The following ABCA5 variants were observed in gnomAD, a reference collection of about 807,000 sequenced individuals.
ABCA5 encodes the protein ATP binding cassette subfamily A member 5, also known as cholesterol transporter ABCA5.
Under a neutral mutation model 206.0 loss-of-function variants are expected in ABCA5, and 163 were observed. The ratio of observed to expected loss-of-function variants is 0.79; its 90% CI spans 0.70 to 0.90. The LOEUF (loss-of-function observed/expected upper bound fraction) is 0.90, where lower values mean the gene tolerates loss of function less well. ABCA5 is among the 40% of genes least tolerant of loss of function. The pLI is 0.00. For missense variants in ABCA5, 1,859 were observed against 1,912.9 expected (o/e 0.97, Z 0.53); for synonymous variants, 609 against 613.8 (o/e 0.99, Z 0.11).
chr17:69,294,479 G>A (rs1019084992), intron 11 of ABCA5, among the ~76,000 whole-genome samples, 176 bp downstream of exon 11: 2 of 151,952 alleles, frequency 1.3e-5, no homozygotes, highest in African/African-American at 4.8e-5. Context: ...CCAAGAGAAC[G>A]CCACTGCACT....
chr17:69,301,550 G>A (rs948104021), intron 8 of ABCA5, among the ~76,000 whole-genome samples: 1 of 151,954 alleles, frequency 6.6e-6, no homozygotes, highest in African/African-American at 2.4e-5. Flanking sequence ...CACTCTAGGG[G>A]CATTTAATTC....
intron 10 of ABCA5, among the ~76,000 whole-genome samples, chr17:69,295,229 G>C (rs2075573035): frequency 6.6e-6 from 1 of 152,140 alleles, no homozygotes; most frequent in Non-Finnish European, 1.5e-5. Context: ...CGCACCCACA[G>C]ACCTCAATCT....
At chr17:69,250,901 A>C (rs7208451) in intron 35 of ABCA5, 22,347 of 193,270 alleles carry the variant, frequency 0.12, 1,414 homozygotes, top group African/African-American at 0.15. Context: ...ATTTTCTATT[A>C]GTGTCCTTTG....
At chr17:69,311,265 T>G (rs949977048) in intron 3 of ABCA5, among the ~76,000 whole-genome samples, 1 of 152,118 alleles carries the variant, frequency 6.6e-6, no homozygotes, top group Admixed American at 6.6e-5. Context: ...TAATAGATTT[T>G]CCAGGCCTTT....
chr17:69,299,332 G>A (rs960223390), intron 9 of ABCA5, among the ~76,000 whole-genome samples: 11 of 152,062 alleles, frequency 7.2e-5, no homozygotes, highest in Non-Finnish European at 1.5e-4. Flanking sequence ...CAGAGGAAAA[G>A]AAGTCATTAT....
chr17:69,306,902 A>T lies in ABCA5; in HGVS notation c.611T>A (p.Ile204Asn). 6.3e-7 allele frequency: 1 copy of T among 1,590,038 alleles called. No individual in the cohort carries two copies. ...WKELESTKAV[I>N]MGETAVVEID... is the part of the protein sequence containing the mutation. ...TTCTACAACAGCAGTTTCTCCCATA[A>T]TAACAGCTTTAGTTGACTCCAGCTC... is the stretch of plus-strand genomic sequence containing the variant. Residue 204 changes from isoleucine to asparagine, a missense_variant, in exon 6 of 39, where the codon ATT (isoleucine) becomes AAT (asparagine). Transcript: ENST00000392676.
chr17:69,316,401 C>T (rs568382697), intron 1 of ABCA5, among the ~76,000 whole-genome samples: 4 of 151,720 alleles, frequency 2.6e-5, no homozygotes, highest in African/African-American at 7.2e-5. Context: ...GCAAAAGAAT[C>T]GCTTGAACCC....
At chr17:69,265,185 G>GT (rs2075194730) in intron 23 of ABCA5, among the ~76,000 whole-genome samples, 2 of 152,080 alleles carry the variant, frequency 1.3e-5, no homozygotes, top group Non-Finnish European at 2.9e-5. Flanking sequence ...AAAGCAAAAG[G>GT]TGTCATGGCG....
At chr17:69,317,470 G>A (rs2091825152) in intron 1 of ABCA5, among the ~76,000 whole-genome samples, 1 of 148,658 alleles carries the variant, frequency 6.7e-6, no homozygotes, top group Non-Finnish European at 1.5e-5. Context: ...CATACAAAAC[G>A]TTATGTCAAG....
In ABCA5 at chr17:69,327,124, T is replaced by C. The variant is rs1360085162; in HGVS notation, c.-88A>G. The C allele has an allele frequency of 6.6e-6, 1 of 151,468 alleles. No individual in the cohort carries two copies. The highest frequency in any genetic ancestry group is 1.5e-5 in the Non-Finnish European group (1 of 67,942). 9.4% of individuals were successfully genotyped at this position (151,468 alleles called of 1,614,324 possible). ...GTTGACTCAGTGCGGGTGACCCAGCTGGGATCTGTGCGAGGGCGCGGCCGC... is the reference window on the plus strand; with the variant it reads ...GTTGACTCAGTGCGGGTGACCCAGCCGGGATCTGTGCGAGGGCGCGGCCGC... On this transcript the variant is annotated 5_prime_UTR_variant, in exon 1 of 39. Coordinates refer to ENST00000392676, the MANE Select transcript of ABCA5 (RefSeq NM_172232.4).
chr17:69,269,812 C>G (rs1377496740), intron 22 of ABCA5, among the ~76,000 whole-genome samples: 1 of 151,766 alleles, frequency 6.6e-6, no homozygotes, highest in Non-Finnish European at 1.5e-5. Context: ...AGAAAGCAGA[C>G]AAAAAAGACT....
intron 9 of ABCA5, among the ~76,000 whole-genome samples, chr17:69,299,459 C>CACACACACAT (rs1191592284): frequency 6.6e-5 from 8 of 121,032 alleles, no homozygotes; most frequent in Non-Finnish European, 5.6e-5. Flanking sequence ...ATGTGATACA[C>CACACACACAT]ACACACACAC....
chr17:69,304,835 T>A lies in ABCA5; in HGVS notation c.789-25A>T. 5 of 1,555,248 alleles carry A rather than the reference T, an allele frequency of 3.2e-6. No individual in the cohort carries two copies. In the Middle Eastern group the frequency reaches 7.1e-4, roughly 222 times the overall value. On this transcript the variant is annotated intron_variant, in intron 6 of 38. Transcript: ENST00000392676. ...CCTAAAATGAGAATACAGATATAGT[T>A]ATGGTCAAATGCATAGGCTTAACCA...
intron 18 of ABCA5, among the ~76,000 whole-genome samples, chr17:69,278,933 T>C (rs1257721226): frequency 6.6e-6 from 1 of 151,296 alleles, no homozygotes; most frequent in African/African-American, 2.4e-5. Context: ...AATATCATAC[T>C]GAATGGGCAA....
rs546309158 is a variant in ABCA5, at chr17:69,308,270, T to A, written c.558+10A>T. ...CATAGTTTTTGTATTTCTTCCTTTA[T>A]CATATTTACCTGTATAATGGCAGCA... On this transcript the variant is annotated intron_variant, in intron 5 of 38. Transcript: ENST00000392676. 1.3e-6 allele frequency: 2 copies of A among 1,535,142 alleles called. No homozygotes were observed. The highest frequency in any genetic ancestry group is 2.3e-5 in the South Asian group (2 of 87,104).
intron 9 of ABCA5, among the ~76,000 whole-genome samples, chr17:69,298,749 G>A (rs1292386498): frequency 3.9e-5 from 6 of 151,942 alleles, no homozygotes; most frequent in Admixed American, 1.3e-4. Flanking sequence ...AATTTGAGAC[G>A]ATAACATCAG....
chr17:69,277,233 AAACT>A (rs1331123992), intron 19 of ABCA5, among the ~76,000 whole-genome samples: 7 of 152,204 alleles, frequency 4.6e-5, no homozygotes, highest in Admixed American at 1.3e-4. Context: ...GTGGTTATAA[AAACT>A]AACTAATAGA....
At chr17:69,248,828 A>G (rs2144884273) in intron 37 of ABCA5, 1 of 152,406 alleles carries the variant, frequency 6.6e-6, no homozygotes, top group East Asian at 1.9e-4. Flanking sequence ...AGGCTCAAAC[A>G]ATCTTCCCAC....
intron 7 of ABCA5, among the ~76,000 whole-genome samples, chr17:69,303,796 A>ATG (rs1567778098): frequency 7.0e-4 from 5 of 7,112 alleles, no homozygotes; most frequent in East Asian, 0.036. Flanking sequence ...ATATATATAT[A>ATG]TATATATATA....
Sources: gnomAD v4.1 joint callset for allele counts (sites outside exome capture counted in the v4.1 genomes callset) on GRCh38, gnomAD v4.1.1 for gene constraint, MANE v1.5 for transcripts, NCBI Gene and HGNC (gene_info 2026-07-23, HGNC 2026-07-21) for gene names.